Variants in AKAP13 observed in about 807,000 individuals in gnomAD.
AKAP13 encodes the protein A-kinase anchor protein 13.
AKAP13 carries 80 observed loss-of-function variants against 264.5 expected under a neutral mutation model. That is an observed-to-expected ratio of 0.30 (90% confidence interval 0.25 to 0.36). The LOEUF (loss-of-function observed/expected upper bound fraction) is 0.36, where lower values mean the gene tolerates loss of function less well. Ranked by LOEUF, AKAP13 falls within the 10% of genes least tolerant of loss-of-function variation. AKAP13 has a pLI of 1.00. For missense variants in AKAP13, 3,712 were observed against 3,435.2 expected (o/e 1.08, Z -2.01); for synonymous variants, 1,380 against 1,250.2 (o/e 1.10, Z -2.19).
intron 5 of AKAP13, among the ~76,000 whole-genome samples, chr15:85,554,801 T>C (rs746971824): frequency 7.9e-5 from 12 of 152,186 alleles, no homozygotes; most frequent in Admixed American, 3.3e-4. Context: ...GAAATTTAAG[T>C]AGTCCAAGAT....
intron 8 of AKAP13, chr15:85,624,625 T>A (rs534440037): frequency 6.6e-6 from 1 of 152,256 alleles, no homozygotes; most frequent in Non-Finnish European, 1.5e-5. Flanking sequence ...TTTTGCTTCC[T>A]TTTGTTCAGC....
At chr15:85,539,489 T>C (rs1179511583) in intron 4 of AKAP13, among the ~76,000 whole-genome samples, 1 of 152,220 alleles carries the variant, frequency 6.6e-6, no homozygotes, top group Non-Finnish European at 1.5e-5. Flanking sequence ...CAAAGAGTAC[T>C]GTAAGCTGGG....
At chr15:85,443,132 C>T (rs920312366) in intron 1 of AKAP13, among the ~76,000 whole-genome samples, 2 of 151,804 alleles carry the variant, frequency 1.3e-5, no homozygotes, top group African/African-American at 4.8e-5. Flanking sequence ...AGTTCTCCCC[C>T]CACCCCCCAA....
intron 1 of AKAP13, among the ~76,000 whole-genome samples, chr15:85,399,535 A>AAAAAAAAAAAAAAAAAAAAAAAAAAT (rs1567038735): frequency 9.5e-6 from 1 of 105,592 alleles, no homozygotes; most frequent in South Asian, 2.6e-4. Flanking sequence ...AAAAAATAAA[A>AAAAAAAAAAAAAAAAAAAAAAAAAAT]AAATAAATAA....
At chr15:85,532,058 T>G (rs975043601) in intron 3 of AKAP13, among the ~76,000 whole-genome samples, 1 of 152,224 alleles carries the variant, frequency 6.6e-6, no homozygotes, top group Admixed American at 6.5e-5. Context: ...GTTACTTCTT[T>G]AAGTCTCAGT....
At chr15:85,570,075 C>CAAAAAAAA (rs141206000) in intron 5 of AKAP13, among the ~76,000 whole-genome samples, 1 of 83,518 alleles carries the variant, frequency 1.2e-5, no homozygotes, top group Non-Finnish European at 2.2e-5. Flanking sequence ...GACTCCGTCT[C>CAAAAAAAA]AAAAAAAAAA....
intron 1 of AKAP13, among the ~76,000 whole-genome samples, chr15:85,442,530 A>AC (rs2073740393): frequency 3.3e-5 from 4 of 122,394 alleles, no homozygotes; most frequent in African/African-American, 1.3e-4. Flanking sequence ...TATATTATAT[A>AC]TAATATATAT....
At chr15:85,418,042 CATT>C (rs899584202) in intron 1 of AKAP13, among the ~76,000 whole-genome samples, 50 of 147,992 alleles carry the variant, frequency 3.4e-4, no homozygotes, top group African/African-American at 1.2e-3. Flanking sequence ...GTACCATCTT[CATT>C]ATTTATTATT....
chr15:85,562,574 A>AAAATATATAT (rs1351834745), intron 5 of AKAP13, among the ~76,000 whole-genome samples: 1 of 77,670 alleles, frequency 1.3e-5, no homozygotes, highest in Non-Finnish European at 3.0e-5. Context: ...CAAAAAAAAA[A>AAAATATATAT]ATATATATAT....
chr15:85,687,161 G>GC (rs2084982808), intron 16 of AKAP13, among the ~76,000 whole-genome samples: 1 of 152,236 alleles, frequency 6.6e-6, no homozygotes, highest in Middle Eastern at 3.4e-3. Context: ...TCAGCCCTCA[G>GC]CCTAGCCTCC....
At chr15:85,673,148 A>G (rs1426611592) in intron 14 of AKAP13, among the ~76,000 whole-genome samples, 2 of 152,168 alleles carry the variant, frequency 1.3e-5, no homozygotes, top group Non-Finnish European at 2.9e-5. Flanking sequence ...TTGTTGGGTC[A>G]TTTGCTAGAT....
chr15:85,397,304 C>A (rs1049072253), intron 1 of AKAP13, among the ~76,000 whole-genome samples: 1 of 152,064 alleles, frequency 6.6e-6, no homozygotes, highest in African/African-American at 2.4e-5. Context: ...TCTTTCACCC[C>A]CTCTGTGGTA....
At chr15:85,728,305 C>T (rs1017091378) in intron 29 of AKAP13, among the ~76,000 whole-genome samples, 6 of 152,126 alleles carry the variant, frequency 3.9e-5, no homozygotes, top group African/African-American at 1.4e-4. Flanking sequence ...TTTGGTTAGG[C>T]CTTAAAGCCA....
At chr15:85,603,837 A>G (rs2080198788) in intron 8 of AKAP13, among the ~76,000 whole-genome samples, 2 of 151,394 alleles carry the variant, frequency 1.3e-5, no homozygotes, top group East Asian at 1.9e-4. Flanking sequence ...CTCCTGTTAT[A>G]CTCTTCTCCT....
At chr15:85,557,458 G>A (rs1390899539) in intron 5 of AKAP13, among the ~76,000 whole-genome samples, 2 of 152,132 alleles carry the variant, frequency 1.3e-5, no homozygotes, top group South Asian at 4.1e-4. Context: ...TTTTGTTGTC[G>A]TTTTTGTTAG....
chr15:85,643,296 C>A (rs2082396991), intron 9 of AKAP13, among the ~76,000 whole-genome samples: 1 of 151,068 alleles, frequency 6.6e-6, no homozygotes, highest in African/African-American at 2.4e-5. Context: ...CTAAACATTT[C>A]TTTTTATTTG....
chr15:85,436,741 C>A (rs1459400542), intron 1 of AKAP13, among the ~76,000 whole-genome samples: 2 of 151,706 alleles, frequency 1.3e-5, no homozygotes, highest in African/African-American at 4.9e-5. Flanking sequence ...GAAATGAAGG[C>A]AGAAATAAAA....
At chr15:85,455,826 A>G (rs745306505) in intron 1 of AKAP13, among the ~76,000 whole-genome samples, 1 of 152,000 alleles carries the variant, frequency 6.6e-6, no homozygotes, top group Admixed American at 6.6e-5. Flanking sequence ...ACTGCAAACT[A>G]CTGTAATCCC....
chr15:85,687,677 G>GT (rs2085021575), intron 16 of AKAP13, among the ~76,000 whole-genome samples: 1 of 150,576 alleles, frequency 6.6e-6, no homozygotes, highest in East Asian at 2.0e-4. Flanking sequence ...TTATAGTGAG[G>GT]TGTTACTAGC....
Sources: allele counts gnomAD v4.1 joint callset (sites outside exome capture counted in the v4.1 genomes callset), GRCh38; gene constraint gnomAD v4.1.1; transcripts MANE v1.5; gene names NCBI Gene and HGNC (gene_info 2026-07-23, HGNC 2026-07-21).